The following PPFIBP2 variants were observed in gnomAD, a reference collection of about 807,000 sequenced individuals.
PPFIBP2 encodes liprin-beta-2.
In PPFIBP2, 118 loss-of-function variants were observed where a neutral mutation model predicts 118.3. The ratio of observed to expected loss-of-function variants is 1.00; its 90% CI spans 0.86 to 1.16. The LOEUF (loss-of-function observed/expected upper bound fraction) is 1.16. Among genes scored for constraint, PPFIBP2 ranks in the 50% most tolerant of loss-of-function variants. The pLI, the probability that PPFIBP2 is intolerant of heterozygous loss-of-function variation, is 0.00. For missense variants in PPFIBP2, 1,195 were observed against 1,073.1 expected (o/e 1.11, Z -1.59); for synonymous variants, 414 against 397.4 (o/e 1.04, Z -0.50).
intron 3 of PPFIBP2, among the ~76,000 whole-genome samples, chr11:7,584,440 G>C (rs1043342931): frequency 6.6e-6 from 1 of 152,138 alleles, no homozygotes; most frequent in East Asian, 1.9e-4. Flanking sequence ...CCTGGTAGCC[G>C]AGGATCTGAC....
intron 3 of PPFIBP2, among the ~76,000 whole-genome samples, chr11:7,589,407 C>T (rs965649666): frequency 9.2e-5 from 14 of 152,034 alleles, no homozygotes; most frequent in East Asian, 1.9e-4. Context: ...TCCTGGCCAA[C>T]GTGGTGAAAC....
intron 2 of PPFIBP2, among the ~76,000 whole-genome samples, chr11:7,554,534 C>T (rs960960795): frequency 2.0e-5 from 3 of 152,020 alleles, no homozygotes; most frequent in Admixed American, 6.6e-5. Context: ...GCAAACAGTG[C>T]GGGATGATTA....
intron 3 of PPFIBP2, among the ~76,000 whole-genome samples, chr11:7,568,250 C>T (rs967854977): frequency 2.6e-5 from 4 of 152,218 alleles, no homozygotes; most frequent in African/African-American, 4.8e-5. Context: ...AGAAGACAGA[C>T]AGTCCCAGGG....
intron 7 of PPFIBP2, among the ~76,000 whole-genome samples, chr11:7,622,520 G>A (rs905919492): frequency 2.0e-5 from 3 of 152,088 alleles, no homozygotes; most frequent in Non-Finnish European, 4.4e-5. Flanking sequence ...GACTTCTCAT[G>A]TTATCAAAAG....
At chr11:7,664,623 T>TG in the PPFIBP2 span, among the ~76,000 whole-genome samples, 3 of 151,992 alleles carry the variant, frequency 2.0e-5, no homozygotes, top group African/African-American at 7.3e-5. Context: ...GGGTCGGAGT[T>TG]GGGGGCCCAG....
chr11:7,652,537 A>G (rs1023492127), intron 23 of PPFIBP2, among the ~76,000 whole-genome samples: 2 of 152,210 alleles, frequency 1.3e-5, no homozygotes, highest in Non-Finnish European at 2.9e-5. Flanking sequence ...GGAGCAAGAC[A>G]GGAAGTATGT....
intron 10 of PPFIBP2, 80 bp downstream of exon 10, chr11:7,629,614 C>A: frequency 1.5e-6 from 2 of 1,374,056 alleles, no homozygotes; most frequent in Non-Finnish European, 2.1e-6. Context: ...GTTCTGCTAG[C>A]AGCTGTTTCA....
chr11:7,605,627 T>C (rs1847244522), intron 5 of PPFIBP2: 1 of 972,126 alleles, frequency 1.0e-6, no homozygotes, highest in Admixed American at 4.6e-5. Flanking sequence ...GTGGTATGAA[T>C]ACAATTGGAA....
At chr11:7,623,856 T>A (rs1849645203) in intron 7 of PPFIBP2, among the ~76,000 whole-genome samples, 3 of 152,200 alleles carry the variant, frequency 2.0e-5, no homozygotes. Context: ...AAAGCTAATA[T>A]CTTCAGAAGC....
intron 23 of PPFIBP2, 68 bp from the exon 24 acceptor site, chr11:7,652,956 A>C: frequency 6.7e-7 from 1 of 1,485,774 alleles, no homozygotes; most frequent in Non-Finnish European, 9.1e-7. Context: ...AATTTTAAGT[A>C]TATTGTCAGT....
chr11:7,563,639 A>G (rs764954382), intron 2 of PPFIBP2, among the ~76,000 whole-genome samples: 5 of 152,142 alleles, frequency 3.3e-5, no homozygotes. Flanking sequence ...CCAAGCTCAC[A>G]TTTTCCAGTA....
At chr11:7,572,562 G>C (rs149551900) in intron 3 of PPFIBP2, among the ~76,000 whole-genome samples, 1 of 152,184 alleles carries the variant, frequency 6.6e-6, no homozygotes, top group Non-Finnish European at 1.5e-5. Flanking sequence ...CCCAGGGGCC[G>C]TGGTGGACAG....
At chr11:7,650,676 TG>T in intron 21 of PPFIBP2, 163 bp from the exon 22 acceptor site, 2 of 559,926 alleles carry the variant, frequency 3.6e-6, no homozygotes, top group Non-Finnish European at 3.0e-6. Flanking sequence ...TCCTAGAAAC[TG>T]GGGAGGCTGG....
chr11:7,665,238 A>AAAGAGGAGAACCAGTGTGTGCGCGAAG, the PPFIBP2 span: 2 of 747,642 alleles, frequency 2.7e-6, no homozygotes. Flanking sequence ...CCCACACCCA[A>AAAGAGGAGAACCAGTGTGTGCGCGAAG]AAGAGGAGAA....
the PPFIBP2 span, among the ~76,000 whole-genome samples, chr11:7,662,419 C>G: frequency 2.6e-5 from 4 of 152,118 alleles, no homozygotes; most frequent in African/African-American, 7.2e-5. Context: ...CTTAGTTTGG[C>G]TGGATGTGAA....
intron 7 of PPFIBP2, among the ~76,000 whole-genome samples, chr11:7,624,748 A>G (rs1590666333): frequency 6.6e-6 from 1 of 152,242 alleles, no homozygotes; most frequent in South Asian, 2.1e-4. Context: ...TTTATTGAGC[A>G]CTTAGTATAT....
intron 6 of PPFIBP2, among the ~76,000 whole-genome samples, chr11:7,613,744 ATGCTGTGGAGG>A (rs1311033004): frequency 2.6e-5 from 4 of 152,194 alleles, no homozygotes; most frequent in Non-Finnish European, 5.9e-5. Flanking sequence ...TGGCTTCTCC[ATGCTGTGGAGG>A]TGCCAGCAAC....
rs1859648041 is a variant in PPFIBP2 at position 7,593,135 on chromosome 11, C to T, written c.283C>T (p.Gln95Ter). 1 of 1,613,570 alleles carries T rather than the reference C, an allele frequency of 6.2e-7. No individual in the cohort carries two copies. Among genetic ancestry groups the T allele is most frequent in the African/African-American group, 1.3e-5 (1 of 74,864 alleles). ...CTTTTTTTTCTGTCCTCTTTAGTCC[C>T]AGGTAAACCACCACAGTGCTGCTAG... ...IKEWFEESLS[Q>*]VNHHSAASNE... Residue 95 changes from glutamine (Q) to a stop codon, truncating the protein, a stop_gained, in exon 4 of 24, where the codon CAG becomes TAG. Coordinates refer to ENST00000299492, the MANE Select transcript of PPFIBP2 (RefSeq NM_003621.5). LOFTEE classifies it high-confidence loss of function.
chr11:7,631,435 C>A (rs1850749963), intron 11 of PPFIBP2, among the ~76,000 whole-genome samples: 1 of 152,092 alleles, frequency 6.6e-6, no homozygotes, highest in African/African-American at 2.4e-5. Context: ...ACATGTCTTG[C>A]TCATTTAGAG....
Sources: gnomAD v4.1 joint callset for allele counts (sites outside exome capture counted in the v4.1 genomes callset) on GRCh38, gnomAD v4.1.1 for gene constraint, MANE v1.5 for transcripts, NCBI Gene and HGNC (gene_info 2026-07-23, HGNC 2026-07-21) for gene names.